Variants in GAPVD1 observed in about 807,000 individuals in gnomAD.
GAPVD1 encodes the protein GTPase-activating protein and VPS9 domain-containing protein 1.
GAPVD1 carries 35 observed loss-of-function variants against 155.5 expected under a neutral mutation model. That is an observed-to-expected ratio of 0.23 (90% CI 0.17 to 0.30). The LOEUF (loss-of-function observed/expected upper bound fraction) is 0.30. Ranked by LOEUF, GAPVD1 falls within the 10% of genes least tolerant of loss-of-function variation. The pLI is 1.00. For synonymous variants in GAPVD1, 636 were observed against 619.7 expected (o/e 1.03, Z -0.39); for missense variants, 1,429 against 1,775.7 (o/e 0.80, Z 3.51).
chr9:125,328,769 A>G (rs960520642), intron 12 of GAPVD1, among the ~76,000 whole-genome samples: 6 of 151,176 alleles, frequency 4.0e-5, no homozygotes, highest in African/African-American at 1.2e-4. Context: ...ACTTCCCAGT[A>G]GGGGCGGCCG....
chr9:125,317,790 C>A (rs1843674618), intron 9 of GAPVD1, among the ~76,000 whole-genome samples: 2 of 151,604 alleles, frequency 1.3e-5, no homozygotes, highest in Admixed American at 1.3e-4. Context: ...AACAAGGTCT[C>A]ACCAAATAGA....
rs1050274834 is a variant in GAPVD1, at chr9:125,349,407, G to A, written c.3187G>A (p.Glu1063Lys). 1.2e-6 allele frequency: 2 copies of A among 1,613,794 alleles called. No homozygotes were observed. Among genetic ancestry groups the A allele is most frequent in the African/African-American group, 1.3e-5 (1 of 74,892 alleles). Reference protein sequence around the residue: ...YESTEVMGDGESAHDSPRDEA... With the variant: ...YESTEVMGDGKSAHDSPRDEA... Reference sequence around the variant, plus strand: ...TTGTTTAGAGGTTATGGGTGATGGTGAAAGTGCACATGATTCTCCCCGTGA... The same window carrying A: ...TTGTTTAGAGGTTATGGGTGATGGTAAAAGTGCACATGATTCTCCCCGTGA... Residue 1063 changes from glutamate to lysine, a missense_variant, in exon 21 of 28, where the codon GAA becomes AAA. Glu to Lys is a moderately conservative substitution (Grantham distance 56). Transcript: ENST00000297933.
At chr9:125,350,903 C>A in intron 23 of GAPVD1, 31 bp downstream of exon 23, 1 of 1,540,504 alleles carries the variant, frequency 6.5e-7, no homozygotes, top group South Asian at 1.2e-5. Flanking sequence ...AGCTTTTAAA[C>A]CTAGTTGTTA....
chr9:125,297,806 C>T (rs1840106318), intron 3 of GAPVD1, among the ~76,000 whole-genome samples: 1 of 152,116 alleles, frequency 6.6e-6, no homozygotes, highest in South Asian at 2.1e-4. Flanking sequence ...AGTGCAGTGG[C>T]ATGATCTCAC....
intron 9 of GAPVD1, among the ~76,000 whole-genome samples, chr9:125,314,768 C>T (rs973353580): frequency 6.6e-6 from 1 of 151,386 alleles, no homozygotes; most frequent in African/African-American, 2.4e-5. Flanking sequence ...AAATTGTGAC[C>T]TCCTGAAAAA....
intron 12 of GAPVD1, among the ~76,000 whole-genome samples, chr9:125,328,710 G>A (rs1363308730): frequency 1.1e-4 from 16 of 151,652 alleles, no homozygotes; most frequent in East Asian, 9.8e-4. Context: ...TCAATGAGCT[G>A]TTGGGCACAC....
At chr9:125,288,065 C>T (rs954413554) in intron 2 of GAPVD1, among the ~76,000 whole-genome samples, 4 of 151,356 alleles carry the variant, frequency 2.6e-5, no homozygotes, top group African/African-American at 9.7e-5. Context: ...ATGAAACTTC[C>T]AGATGTTGTT....
chr9:125,288,342 C>G (rs1272785074), intron 2 of GAPVD1, among the ~76,000 whole-genome samples: 1 of 152,000 alleles, frequency 6.6e-6, no homozygotes, highest in Non-Finnish European at 1.5e-5. Context: ...AAACTCCTGA[C>G]TTCATGATCC....
chr9:125,354,940 C>T, intron 24 of GAPVD1, 99 bp downstream of exon 24: 1 of 769,000 alleles, frequency 1.3e-6, no homozygotes, highest in South Asian at 1.8e-5. Context: ...CAAGTATCTG[C>T]ATGCCTTAAA....
chr9:125,286,094 C>T (rs1393744889), intron 2 of GAPVD1, among the ~76,000 whole-genome samples: 1 of 151,598 alleles, frequency 6.6e-6, no homozygotes, highest in Non-Finnish European at 1.5e-5. Flanking sequence ...AGATGTGAGC[C>T]ACTTCACCTG....
intron 19 of GAPVD1, 152 bp from the exon 20 acceptor site, chr9:125,346,667 C>T: frequency 1.4e-6 from 1 of 706,004 alleles, no homozygotes; most frequent in South Asian, 1.5e-5. Flanking sequence ...GATGAGTAGG[C>T]AGCTGCATGG....
At chr9:125,279,859 C>G (rs1434656389) in intron 2 of GAPVD1, among the ~76,000 whole-genome samples, 6 of 150,288 alleles carry the variant, frequency 4.0e-5, no homozygotes, top group South Asian at 4.2e-4. Flanking sequence ...TTCCTGAGTT[C>G]AAGCGATTCT....
At chr9:125,293,870 A>ATATATATAATATATATATATATTT (rs1839260595) in intron 2 of GAPVD1, among the ~76,000 whole-genome samples, 2 of 21,026 alleles carry the variant, frequency 9.5e-5, no homozygotes, top group African/African-American at 4.2e-4. Context: ...ATATATATAT[A>ATATATATAATATATATATATATTT]TATATATATA....
At chr9:125,342,411 A>G in intron 19 of GAPVD1, 112 bp downstream of exon 19, 1 of 701,566 alleles carries the variant, frequency 1.4e-6, no homozygotes, top group Non-Finnish European at 2.6e-6. Context: ...GTCTGTGTGT[A>G]CAGTGGGGAG....
intron 1 of GAPVD1, chr9:125,264,038 G>T (rs1211576916): frequency 6.1e-6 from 7 of 1,138,302 alleles, no homozygotes; most frequent in Admixed American, 3.4e-5. Context: ...ATCCTTCTTG[G>T]CCACCATGAC....
At chr9:125,328,207 A>ATTTTTT (rs1845500534) in intron 12 of GAPVD1, among the ~76,000 whole-genome samples, 1 of 118,746 alleles carries the variant, frequency 8.4e-6, no homozygotes. Flanking sequence ...TTTTTTTTTA[A>ATTTTTT]ATTTATTTTT....
At chr9:125,311,569 C>T (rs1166736974) in intron 8 of GAPVD1, among the ~76,000 whole-genome samples, 6 of 152,148 alleles carry the variant, frequency 3.9e-5, no homozygotes, top group African/African-American at 7.2e-5. Flanking sequence ...CGCAATGAGC[C>T]GAGACTGCGC....
chr9:125,303,473 T>C (rs1008455392), intron 5 of GAPVD1, among the ~76,000 whole-genome samples: 2 of 149,842 alleles, frequency 1.3e-5, no homozygotes, highest in African/African-American at 4.9e-5. Context: ...CTGCCCCATA[T>C]CTATTAAAAA....
chr9:125,276,112 G>A (rs1195084301), intron 2 of GAPVD1, among the ~76,000 whole-genome samples: 2 of 152,152 alleles, frequency 1.3e-5, no homozygotes, highest in Non-Finnish European at 2.9e-5. Context: ...GAAGTCTGTT[G>A]TGTTGATTTG....
Sources: gnomAD v4.1 joint callset for allele counts (sites outside exome capture counted in the v4.1 genomes callset) on GRCh38, gnomAD v4.1.1 for gene constraint, MANE v1.5 for transcripts, NCBI Gene and HGNC (gene_info 2026-07-23, HGNC 2026-07-21) for gene names.